HORMAD2: variants seen among roughly 807,000 people sequenced by gnomAD.
HORMAD2 encodes the protein HORMA domain-containing protein 2.
HORMAD2 carries 45 observed loss-of-function variants against 38.8 expected under a neutral mutation model. The observed-to-expected ratio is 1.16, with a 90% CI of 0.91 to 1.49. The LOEUF (loss-of-function observed/expected upper bound fraction) is 1.49. HORMAD2 is among the 40% of genes most tolerant of loss of function. The probability of loss-of-function intolerance (pLI) is 0.00; values close to 1 mark genes in which losing one functional copy is unlikely to be tolerated. For synonymous variants in HORMAD2, 126 were observed against 122.8 expected, an observed-to-expected ratio of 1.03 and a Z score of -0.17; for missense variants, 338 against 367.0, an observed-to-expected ratio of 0.92 and a Z score of 0.65.
chr22:30,154,828 G>C (rs914643513), intron 10 of HORMAD2, among the ~76,000 whole-genome samples: 1 of 152,072 alleles, frequency 6.6e-6, no homozygotes, highest in Admixed American at 6.6e-5. Context: ...AGCACTTTTG[G>C]AAACTGAGGC....
the HORMAD2 span, among the ~76,000 whole-genome samples, chr22:30,190,651 AGAAAG>A: frequency 2.6e-4 from 40 of 152,248 alleles, no homozygotes; most frequent in African/African-American, 8.9e-4. Context: ...GGTGGAGGCT[AGAAAG>A]ACACTTTGGA....
chr22:30,142,493 T>C (rs1424068984), intron 10 of HORMAD2, among the ~76,000 whole-genome samples: 1 of 152,192 alleles, frequency 6.6e-6, no homozygotes, highest in Non-Finnish European at 1.5e-5. Context: ...TATTGTTGAA[T>C]TGTCTGTTTC....
At chr22:30,144,232 A>G (rs563362170) in intron 10 of HORMAD2, among the ~76,000 whole-genome samples, 1 of 152,292 alleles carries the variant, frequency 6.6e-6, no homozygotes, top group Non-Finnish European at 1.5e-5. Flanking sequence ...AGTTTAATCA[A>G]ATCAAATTTG....
Position 30,098,802 on chromosome 22 carries a change from T to G in HORMAD2, c.52-50T>G. On this transcript the variant is annotated intron_variant, in intron 2 of 10. Transcript: ENST00000336726. Reference sequence around the variant, plus strand: ...TATATGTGGTAATGATGTGCTAAACTGAATATATTAAATAATACTAATCTT... The same window carrying G: ...TATATGTGGTAATGATGTGCTAAACGGAATATATTAAATAATACTAATCTT... 2.6e-6 allele frequency: 4 copies of G among 1,523,590 alleles called. No individual in the cohort carries two copies. In the South Asian group the frequency reaches 4.9e-5, roughly 18 times the overall value. 94.4% of individuals were successfully genotyped at this position (1,523,590 alleles called of 1,614,324 possible). A position where few individuals can be genotyped will look rare whatever the true frequency, so the allele number is the denominator to read the frequency against.
At chr22:30,200,922 G>T in the HORMAD2 span, among the ~76,000 whole-genome samples, 1 of 151,744 alleles carries the variant, frequency 6.6e-6, no homozygotes, top group African/African-American at 2.4e-5. Flanking sequence ...GCTAATTTTT[G>T]TATTTTTAGT....
At chr22:30,112,419 T>C in intron 6 of HORMAD2, 77 bp from the exon 7 acceptor site, 1 of 708,142 alleles carries the variant, frequency 1.4e-6, no homozygotes, top group Non-Finnish European at 2.4e-6. Context: ...AATTGAACTC[T>C]ATATAAAAAA....
rs191518877 is a variant in HORMAD2, at chr22:30,148,089, C to T, written c.819+25875C>T. 3.1e-3 allele frequency among the ~76,000 whole-genome samples: 469 copies of T among 152,170 alleles called. 11 individuals are homozygous for T. The highest frequency in any genetic ancestry group is 0.026 in the Admixed American group (395 of 15,286). On this transcript the variant is annotated intron_variant, in intron 10 of 10. Coordinates refer to ENST00000336726, the MANE Select transcript of HORMAD2 (RefSeq NM_152510.4). ...TAATAGTTCCAAACTGGAATTAACCCGCGTGTCCATCAATAGGTGAAAGGA... is the reference window on the plus strand; with the variant it reads ...TAATAGTTCCAAACTGGAATTAACCTGCGTGTCCATCAATAGGTGAAAGGA...
At chr22:30,096,021 T>C (rs1204523411) in intron 2 of HORMAD2, among the ~76,000 whole-genome samples, 1 of 152,190 alleles carries the variant, frequency 6.6e-6, no homozygotes, top group East Asian at 1.9e-4. Context: ...TTGTACTTTA[T>C]ATAAATGAAA....
Position 30,176,381 on chromosome 22 carries a change from C to T in HORMAD2, c.*214C>T. On this transcript the variant is annotated 3_prime_UTR_variant, in exon 11 of 11. Coordinates refer to ENST00000336726, the MANE Select transcript of HORMAD2 (RefSeq NM_152510.4). ...GGAAAGCGGGTCAATAGGGCTGCCTCTGGATAGCATTACTTCAAAGCTGGG... is the reference window on the plus strand; with the variant it reads ...GGAAAGCGGGTCAATAGGGCTGCCTTTGGATAGCATTACTTCAAAGCTGGG... 1 of 488,652 alleles carries T rather than the reference C, an allele frequency of 2.0e-6. No homozygotes were observed. The highest frequency in any genetic ancestry group is 3.4e-5 in the East Asian group (1 of 29,544). 30.3% of individuals were successfully genotyped at this position (488,652 alleles called of 1,614,324 possible).
At chr22:30,110,366 C>G (rs1347839799) in intron 5 of HORMAD2, among the ~76,000 whole-genome samples, 2 of 148,044 alleles carry the variant, frequency 1.4e-5, no homozygotes, top group Non-Finnish European at 3.0e-5. Context: ...AAATTGCTAT[C>G]GAATTGTGAG....
chr22:30,174,315 A>C (rs1188920951), intron 10 of HORMAD2, among the ~76,000 whole-genome samples: 1 of 152,164 alleles, frequency 6.6e-6, no homozygotes, highest in East Asian at 1.9e-4. Context: ...CAAGTGTACA[A>C]ACTCAGCCAG....
intron 2 of HORMAD2, among the ~76,000 whole-genome samples, chr22:30,096,914 G>A (rs1346642531): frequency 6.6e-6 from 1 of 151,968 alleles, no homozygotes; most frequent in Non-Finnish European, 1.5e-5. Context: ...AGAATTTTAG[G>A]AGTTCTTTAT....
At chr22:30,132,171 C>G (rs1923329381) in intron 10 of HORMAD2, among the ~76,000 whole-genome samples, 1 of 152,110 alleles carries the variant, frequency 6.6e-6, no homozygotes, top group Non-Finnish European at 1.5e-5. Context: ...AGCATATATG[C>G]CTTCTTTGAT....
At chr22:30,154,144 T>C (rs1293247382) in intron 10 of HORMAD2, among the ~76,000 whole-genome samples, 2 of 152,202 alleles carry the variant, frequency 1.3e-5, no homozygotes, top group African/African-American at 4.8e-5. Context: ...TTTCTGTTTC[T>C]ACAAAAAGCT....
chr22:30,077,914 T>C (rs2068403489), upstream of HORMAD2, among the ~76,000 whole-genome samples: 1 of 152,236 alleles, frequency 6.6e-6, no homozygotes. Context: ...TGAGGAACAG[T>C]TAATTCAGGT....
chr22:30,205,435 G>A, the HORMAD2 span, among the ~76,000 whole-genome samples: 27 of 152,232 alleles, frequency 1.8e-4, no homozygotes, highest in East Asian at 3.9e-4. Context: ...ACCTCGTTTC[G>A]CAGACGGGGA....
intron 10 of HORMAD2, among the ~76,000 whole-genome samples, chr22:30,160,004 C>T (rs1925344605): frequency 6.6e-6 from 1 of 151,942 alleles, no homozygotes; most frequent in East Asian, 1.9e-4. Flanking sequence ...GACATGAAGT[C>T]CCTCTCTCCA....
At chr22:30,139,925 A>G (rs1569107418) in intron 10 of HORMAD2, among the ~76,000 whole-genome samples, 1 of 151,468 alleles carries the variant, frequency 6.6e-6, no homozygotes, top group African/African-American at 2.4e-5. Flanking sequence ...CCTGAGATAG[A>G]TCCCCCTTTA....
upstream of HORMAD2, among the ~76,000 whole-genome samples, chr22:30,078,479 G>A (rs1022498544): frequency 2.6e-5 from 4 of 151,532 alleles, no homozygotes; most frequent in Non-Finnish European, 5.9e-5. Context: ...GGTGATGCAT[G>A]CCTGTAACCC....
Sources: gnomAD v4.1 joint callset for allele counts (sites outside exome capture counted in the v4.1 genomes callset) on GRCh38, gnomAD v4.1.1 for gene constraint, MANE v1.5 for transcripts, NCBI Gene and HGNC (gene_info 2026-07-23, HGNC 2026-07-21) for gene names.